Variants in WNT2B observed in about 807,000 individuals in gnomAD.
The protein encoded by WNT2B is Wnt family member 2B.
WNT2B carries 19 observed loss-of-function variants against 40.5 expected under a neutral mutation model. That is an observed-to-expected ratio of 0.47 (90% CI 0.33 to 0.69). WNT2B has a LOEUF of 0.69. WNT2B is among the 30% of genes least tolerant of loss of function. The pLI, the probability that WNT2B is intolerant of heterozygous loss-of-function variation, is 0.02. For synonymous variants in WNT2B, 220 were observed against 211.9 expected (o/e 1.04, Z -0.33); for missense variants, 467 against 556.4 (o/e 0.84, Z 1.62).
At chr1:112,477,740 A>G (rs1651095330) in intron 1 of WNT2B, among the ~76,000 whole-genome samples, 1 of 152,228 alleles carries the variant, frequency 6.6e-6, no homozygotes, top group African/African-American at 2.4e-5. Flanking sequence ...AATGAAATTG[A>G]AAATACAATA....
intron 1 of WNT2B, among the ~76,000 whole-genome samples, chr1:112,493,603 C>A (rs1003390576): frequency 6.6e-6 from 1 of 151,692 alleles, no homozygotes; most frequent in Non-Finnish European, 1.5e-5. Context: ...GTCTGGGCAA[C>A]GGAGCAAGAC....
chr1:112,501,172 G>A (rs890783916), intron 1 of WNT2B, among the ~76,000 whole-genome samples: 1 of 152,142 alleles, frequency 6.6e-6, no homozygotes, highest in African/African-American at 2.4e-5. Flanking sequence ...GAATTTACCA[G>A]GTGTTTTTTT....
At chr1:112,504,612 T>A (rs1404197117), upstream of WNT2B, among the ~76,000 whole-genome samples, 2 of 152,122 alleles carry the variant, frequency 1.3e-5, no homozygotes, top group Non-Finnish European at 2.9e-5. Flanking sequence ...CCCAGACACC[T>A]GCATGGGGTG....
At chr1:112,490,200 G>A (rs187702298) in intron 1 of WNT2B, among the ~76,000 whole-genome samples, 1 of 152,218 alleles carries the variant, frequency 6.6e-6, no homozygotes, top group Non-Finnish European at 1.5e-5. Context: ...GCATTAACTC[G>A]ACTCTCTGCA....
rs1652241825 is a variant in WNT2B, at chr1:112,509,140, G to GT, written c.-122dup. 1.1e-5 allele frequency: 15 copies of GT among 1,377,580 alleles called. No homozygotes were observed. In the East Asian group the frequency reaches 4.3e-4, roughly 39 times the overall value. The allele number at this position is 1,377,580 out of a possible 1,614,324, so 85.3% of individuals were successfully genotyped here. The stretch of plus-strand genomic sequence containing the variant: ...GGCTCTGGACCCCAGGTGATCCTAG[G>GT]TCCCCAGCCGCCGGCGAACACCATG... On this transcript the variant is annotated 5_prime_UTR_variant, in exon 1 of 5. Transcript: ENST00000369684. The surrounding 1 kb of genome is among the most constrained non-coding windows in gnomAD (Gnocchi z 4.2).
At chr1:112,485,469 A>G (rs1391533866) in intron 1 of WNT2B, among the ~76,000 whole-genome samples, 2 of 152,136 alleles carry the variant, frequency 1.3e-5, no homozygotes, top group Non-Finnish European at 2.9e-5. Flanking sequence ...TCAAAAAAAA[A>G]AAAAAAAGGT....
At chr1:112,474,022 G>A (rs1650974498) in intron 1 of WNT2B, among the ~76,000 whole-genome samples, 1 of 147,380 alleles carries the variant, frequency 6.8e-6, no homozygotes, top group Non-Finnish European at 1.5e-5. Context: ...CCAAGATAGG[G>A]CCACTGCACT....
intron 1 of WNT2B, among the ~76,000 whole-genome samples, chr1:112,471,066 C>A (rs1403839545): frequency 6.6e-6 from 1 of 152,168 alleles, no homozygotes; most frequent in Non-Finnish European, 1.5e-5. Context: ...TCTGAGTGGA[C>A]ACTAAGGGAC....
At chr1:112,497,314 G>C (rs1282726484) in intron 1 of WNT2B, among the ~76,000 whole-genome samples, 1 of 152,216 alleles carries the variant, frequency 6.6e-6, no homozygotes, top group African/African-American at 2.4e-5. Flanking sequence ...GGTTGTCTGA[G>C]GCATCCTTTC....
chr1:112,510,007 T>C (rs1354586370), intron 1 of WNT2B, among the ~76,000 whole-genome samples: 4 of 152,196 alleles, frequency 2.6e-5, no homozygotes, highest in African/African-American at 4.8e-5. Context: ...TTGCATTATC[T>C]AGGCATTTGT....
At chr1:112,479,468 G>A (rs1651155179) in intron 1 of WNT2B, among the ~76,000 whole-genome samples, 1 of 151,586 alleles carries the variant, frequency 6.6e-6, no homozygotes, top group Admixed American at 6.6e-5. Context: ...CAGCTACTTG[G>A]GAGGCTGAGG....
In WNT2B at chr1:112,509,142, C is replaced by T; in HGVS notation, c.-121C>T. ...CTCTGGACCCCAGGTGATCCTAGGT[C>T]CCCAGCCGCCGGCGAACACCATGGC... On this transcript the variant is annotated 5_prime_UTR_variant, in exon 1 of 5. Coordinates refer to ENST00000369684, the MANE Select transcript of WNT2B (RefSeq NM_024494.3). The surrounding 1 kb of genome is among the most constrained non-coding windows in gnomAD (Gnocchi z 4.2). 1.5e-6 allele frequency: 2 copies of T among 1,377,604 alleles called. No homozygotes were observed. The highest frequency in any genetic ancestry group is 6.1e-5 in the East Asian group (2 of 32,704). 85.3% of individuals were successfully genotyped at this position (1,377,604 alleles called of 1,614,324 possible).
exon 1 of WNT2B, chr1:112,467,385 G>T (rs1426214183): frequency 2.1e-5 from 13 of 613,772 alleles, no homozygotes; most frequent in Non-Finnish European, 1.8e-5. Flanking sequence ...TGAGGTTTAA[G>T]CTTCGAGGCC....
intron 1 of WNT2B, among the ~76,000 whole-genome samples, chr1:112,478,003 G>A (rs566650845): frequency 3.9e-4 from 59 of 151,478 alleles, no homozygotes; most frequent in Non-Finnish European, 8.0e-4. Context: ...GGAGGCCAAG[G>A]CAGGAGGATC....
chr1:112,496,246 C>T (rs1321097376), intron 1 of WNT2B, among the ~76,000 whole-genome samples: 1 of 152,180 alleles, frequency 6.6e-6, no homozygotes, highest in East Asian at 1.9e-4. Context: ...TCCCGAGTAG[C>T]TAGGACTACA....
chr1:112,507,029 C>A (rs351366), upstream of WNT2B, among the ~76,000 whole-genome samples: 1 of 152,168 alleles, frequency 6.6e-6, no homozygotes, highest in African/African-American at 2.4e-5. Context: ...CGATAACCCT[C>A]GTACACCAGC....
intron 1 of WNT2B, among the ~76,000 whole-genome samples, chr1:112,478,387 C>T (rs1301655224): frequency 6.6e-6 from 1 of 151,856 alleles, no homozygotes; most frequent in African/African-American, 2.4e-5. Context: ...AGAATCAACC[C>T]AAAGAAGACT....
At chr1:112,507,752 T>G (rs1652159798), upstream of WNT2B, among the ~76,000 whole-genome samples, 1 of 152,176 alleles carries the variant, frequency 6.6e-6, no homozygotes, top group African/African-American at 2.4e-5. Context: ...CCCAGGACTT[T>G]AAAATCATAT....
chr1:112,513,104 C>G (rs1652410684), intron 1 of WNT2B, among the ~76,000 whole-genome samples: 1 of 150,538 alleles, frequency 6.6e-6, no homozygotes, highest in South Asian at 2.1e-4. Context: ...TCCAACCCTC[C>G]TCACCCAAGC....
Sources: gnomAD v4.1 joint callset for allele counts (sites outside exome capture counted in the v4.1 genomes callset) on GRCh38, gnomAD v4.1.1 for gene constraint, Gnocchi (gnomAD v3.1) non-coding constraint, MANE v1.5 for transcripts, NCBI Gene and HGNC (gene_info 2026-07-23, HGNC 2026-07-21) for gene names.